The following PCDHGA7 variants were observed in gnomAD, a reference collection of about 807,000 sequenced individuals.
PCDHGA7 encodes protocadherin gamma subfamily A, 7.
In PCDHGA7, 44 loss-of-function variants were observed where a neutral mutation model predicts 58.3. That is an observed-to-expected ratio of 0.75 (90% CI 0.59 to 0.97). The LOEUF is 0.97. PCDHGA7 is among the 50% of genes least tolerant of loss of function. The pLI, the probability that PCDHGA7 is intolerant of heterozygous loss-of-function variation, is 0.00. For synonymous variants in PCDHGA7, 516 were observed against 504.2 expected (o/e 1.02, Z -0.31); for missense variants, 1,266 against 1,188.7 (o/e 1.06, Z -0.96).
chr5:141,478,358 C>G, intron 1 of PCDHGA7: 1 of 1,613,738 alleles, frequency 6.2e-7, no homozygotes, highest in South Asian at 1.1e-5. Flanking sequence ...GGACGCCGTG[C>G]GGGGAGGCCT....
At chr5:141,408,220 G>C (rs2095061412) in intron 1 of PCDHGA7, 1 of 1,558,876 alleles carries the variant, frequency 6.4e-7, no homozygotes, top group Non-Finnish European at 8.7e-7. Flanking sequence ...GGAGCTGCGC[G>C]CAGAGGCGCC....
intron 1 of PCDHGA7, chr5:141,427,815 G>A: frequency 6.5e-7 from 1 of 1,527,760 alleles, no homozygotes; most frequent in Non-Finnish European, 9.0e-7. Context: ...ACAGAGCGGG[G>A]TGGTGGTCGC....
intron 1 of PCDHGA7, 82 bp from the exon 2 acceptor site, chr5:141,494,725 C>G: frequency 6.2e-7 from 1 of 1,610,026 alleles, no homozygotes; most frequent in East Asian, 2.2e-5. Flanking sequence ...CCCTCCTTCT[C>G]TCCCGGCCCA....
rs2096260633 is a variant in PCDHGA7 at position 141,418,459 on chromosome 5, G to C, written c.2424+33136G>C. 2.5e-6 allele frequency: 4 copies of C among 1,613,992 alleles called. No homozygotes were observed. In the East Asian group the frequency reaches 6.7e-5, roughly 27 times the overall value. ...CAGAATTAGTATTGCAGAAGACTCT[G>C]GACCGAGAAACGCAGAGCGCTCACC... On this transcript the variant is annotated intron_variant, in intron 1 of 3. Transcript: ENST00000518325.
At chr5:141,407,943 T>C (rs575027782) in intron 1 of PCDHGA7, 7 of 537,790 alleles carry the variant, frequency 1.3e-5, no homozygotes, top group African/African-American at 7.6e-5. Flanking sequence ...TGGGCGCCGC[T>C]GTCGGCCAGT....
At chr5:141,394,621 G>C (rs1231814252) in intron 1 of PCDHGA7, 1 of 1,613,408 alleles carries the variant, frequency 6.2e-7, no homozygotes, top group African/African-American at 1.3e-5. Flanking sequence ...CAGAACGCCT[G>C]GCTGTCCTAC....
At chr5:141,445,900 T>C (rs2098480876) in intron 1 of PCDHGA7, among the ~76,000 whole-genome samples, 1 of 152,224 alleles carries the variant, frequency 6.6e-6, no homozygotes, top group African/African-American at 2.4e-5. Flanking sequence ...TATTAAAATA[T>C]TTTAAACAAG....
intron 2 of PCDHGA7, among the ~76,000 whole-genome samples, chr5:141,502,152 C>T (rs1306227782): frequency 2.0e-5 from 3 of 152,128 alleles, no homozygotes; most frequent in African/African-American, 4.8e-5. Flanking sequence ...AAGTAAGGAC[C>T]CCAGATATTC....
At chr5:141,438,635 T>TAC (rs56854727) in intron 1 of PCDHGA7, among the ~76,000 whole-genome samples, 5 of 33,422 alleles carry the variant, frequency 1.5e-4, no homozygotes, top group Admixed American at 8.3e-4. Flanking sequence ...TATATATATA[T>TAC]ACACACACAC....
intron 1 of PCDHGA7, among the ~76,000 whole-genome samples, chr5:141,458,821 C>T (rs1220034390): frequency 6.6e-6 from 1 of 152,146 alleles, no homozygotes; most frequent in Non-Finnish European, 1.5e-5. Flanking sequence ...CAACCTCTGC[C>T]TCCCAGGCTC....
intron 1 of PCDHGA7, chr5:141,415,347 C>T (rs1369709460): frequency 1.9e-6 from 3 of 1,614,120 alleles, no homozygotes; most frequent in Non-Finnish European, 2.5e-6. Context: ...GGCGCTGGCA[C>T]AAGTCACGCC....
intron 1 of PCDHGA7, chr5:141,421,745 T>C: frequency 6.2e-7 from 1 of 1,613,950 alleles, no homozygotes; most frequent in Non-Finnish European, 8.5e-7. Flanking sequence ...AGCTACCAGC[T>C]CAGCCCTAAT....
intron 1 of PCDHGA7, among the ~76,000 whole-genome samples, chr5:141,401,758 G>A (rs573644467): frequency 6.6e-6 from 1 of 152,234 alleles, no homozygotes; most frequent in East Asian, 1.9e-4. Flanking sequence ...CCCATTACAT[G>A]GTATAAGTCT....
At chr5:141,390,307 A>G (rs2092112369) in intron 1 of PCDHGA7, 1 of 1,613,424 alleles carries the variant, frequency 6.2e-7, no homozygotes, top group Admixed American at 1.7e-5. Flanking sequence ...GTATAATTTA[A>G]TGCTCATTGC....
rs988237114 is a variant in PCDHGA7 at position 141,493,830 on chromosome 5, G to A, written c.2425-977G>A. On this transcript the variant is annotated intron_variant, in intron 1 of 3. Transcript: ENST00000518325. This position sits in a 1 kb window ranked among gnomAD's most constrained non-coding sequence, Gnocchi z 4.3. ...ATACTCACACTCTCTGCTTCTGGGA[G>A]CAAGTATGAGTATTAATTACCAGCC... 1.3e-5 allele frequency among the ~76,000 whole-genome samples: 2 copies of A among 152,218 alleles called. No individual in the cohort carries two copies. The highest frequency in any genetic ancestry group is 4.8e-5 in the African/African-American group (2 of 41,456).
At position 141,486,530 on chromosome 5, in the gene PCDHGA7, C is replaced by T; in HGVS notation, c.2425-8277C>T. 6.2e-7 allele frequency: 1 copy of T among 1,614,174 alleles called. No homozygotes were observed. The highest frequency in any genetic ancestry group is 8.5e-7 in the Non-Finnish European group (1 of 1,180,022). On this transcript the variant is annotated intron_variant, in intron 1 of 3. Transcript: ENST00000518325. The surrounding 1 kb of genome is among the most constrained non-coding windows in gnomAD (Gnocchi z 5.0). Reference sequence around the variant, plus strand: ...TATTTCAGATGTGAATGATAATCCACCCTCTTTCTTTCAGAGGTCACATGA... The same window carrying T: ...TATTTCAGATGTGAATGATAATCCATCCTCTTTCTTTCAGAGGTCACATGA...
At chr5:141,466,348 G>A (rs2099120992) in intron 1 of PCDHGA7, among the ~76,000 whole-genome samples, 2 of 151,876 alleles carry the variant, frequency 1.3e-5, no homozygotes, top group Admixed American at 6.6e-5. Context: ...TTTTTTTGCA[G>A]CTAATCTAGA....
intron 1 of PCDHGA7, chr5:141,478,595 T>A: frequency 6.4e-7 from 1 of 1,567,880 alleles, no homozygotes; most frequent in Non-Finnish European, 8.7e-7. Flanking sequence ...TTTTTATTCC[T>A]ACATCATATT....
chr5:141,511,084 C>G lies in PCDHGA7; in HGVS notation c.2710C>G (p.Leu904Val). 1 of 1,614,236 alleles carries G rather than the reference C, an allele frequency of 6.2e-7. No homozygotes were observed. Among genetic ancestry groups the G allele is most frequent in the Non-Finnish European group, 8.5e-7 (1 of 1,180,030 alleles). The change falls in exon 4 of 4, where the codon CTG becomes GTG. Residue 904 changes from leucine (L) to valine (V), a missense_variant. Leu to Val is a conservative substitution (Grantham distance 32). Coordinates refer to ENST00000518325, the MANE Select transcript of PCDHGA7 (RefSeq NM_018920.4). Reference sequence around the variant, plus strand: ...CTACATCCCAGGCAGCAATGCCACACTGACCAACGCAGCTGGCAAGCGGGA... The same window carrying G: ...CTACATCCCAGGCAGCAATGCCACAGTGACCAACGCAGCTGGCAAGCGGGA... ...NVYIPGSNAT[L>V]TNAAGKRDGK...
Sources: gnomAD v4.1 joint callset for allele counts (sites outside exome capture counted in the v4.1 genomes callset) on GRCh38, gnomAD v4.1.1 for gene constraint, Gnocchi (gnomAD v3.1) non-coding constraint, MANE v1.5 for transcripts, NCBI Gene and HGNC (gene_info 2026-07-23, HGNC 2026-07-21) for gene names.